Variants in PDE1C observed in about 807,000 individuals in gnomAD.
PDE1C encodes phosphodiesterase 1C, also known as dual specificity calcium/calmodulin-dependent 3',5'-cyclic nucleotide phosphodiesterase 1C.
In PDE1C, 62 loss-of-function variants were observed where a neutral mutation model predicts 93.1. The observed-to-expected ratio is 0.67, with a 90% CI of 0.54 to 0.82. PDE1C has a LOEUF of 0.82. Among genes scored for constraint, PDE1C ranks in the 40% least tolerant of loss-of-function variants. The pLI is 0.00. For missense variants in PDE1C, 742 were observed against 884.6 expected (o/e 0.84, Z 2.04); for synonymous variants, 325 against 310.1 (o/e 1.05, Z -0.50).
chr7:31,693,193 C>A, the PDE1C span, among the ~76,000 whole-genome samples: 1 of 152,082 alleles, frequency 6.6e-6, no homozygotes, highest in Admixed American at 6.5e-5. Context: ...AAGATTTCTC[C>A]AAAAATGGGG....
At chr7:32,087,591 G>A (rs527606064) in intron 3 of PDE1C, among the ~76,000 whole-genome samples, 2 of 152,216 alleles carry the variant, frequency 1.3e-5, no homozygotes, top group Admixed American at 1.3e-4. Flanking sequence ...GCAAAGACTT[G>A]GAACCAACCC....
the PDE1C span, among the ~76,000 whole-genome samples, chr7:31,682,830 A>C: frequency 6.6e-6 from 1 of 152,222 alleles, no homozygotes; most frequent in Non-Finnish European, 1.5e-5. Context: ...AAACCACCTG[A>C]ATGAATCTCC....
At chr7:31,992,939 T>G (rs1392777402) in intron 2 of PDE1C, among the ~76,000 whole-genome samples, 1 of 152,218 alleles carries the variant, frequency 6.6e-6, no homozygotes, top group Non-Finnish European at 1.5e-5. Flanking sequence ...ATATGGAACA[T>G]AATGAAGTTT....
intron 1 of PDE1C, among the ~76,000 whole-genome samples, chr7:32,353,890 A>T (rs1277348053): frequency 1.3e-5 from 2 of 152,212 alleles, no homozygotes; most frequent in Non-Finnish European, 2.9e-5. Flanking sequence ...TCATGACATC[A>T]ATACAATCTC....
At chr7:31,839,521 C>T (rs1357538297) in intron 9 of PDE1C, among the ~76,000 whole-genome samples, 2 of 152,006 alleles carry the variant, frequency 1.3e-5, no homozygotes, top group Non-Finnish European at 1.5e-5. Flanking sequence ...TTCATTTTCT[C>T]TTATTGCTGA....
At chr7:31,862,658 G>A (rs1162354866) in intron 7 of PDE1C, among the ~76,000 whole-genome samples, 1 of 152,176 alleles carries the variant, frequency 6.6e-6, no homozygotes, top group Non-Finnish European at 1.5e-5. Flanking sequence ...CCATGCTCAT[G>A]ACCTGGTCAC....
the PDE1C span, among the ~76,000 whole-genome samples, chr7:31,699,957 A>G: frequency 0.063 from 9,613 of 151,994 alleles, 362 homozygotes; most frequent in Non-Finnish European, 0.089. Context: ...CAATTCCCCT[A>G]TCTCTCTCCC....
chr7:31,650,740 G>A, the PDE1C span, among the ~76,000 whole-genome samples: 1 of 152,156 alleles, frequency 6.6e-6, no homozygotes, highest in Non-Finnish European at 1.5e-5. Context: ...CAATGTTATT[G>A]ATACTCAGAG....
At chr7:31,757,897 C>T (rs1794571875) in intron 17 of PDE1C, among the ~76,000 whole-genome samples, 1 of 152,104 alleles carries the variant, frequency 6.6e-6, no homozygotes, top group Non-Finnish European at 1.5e-5. Context: ...GGAACCAACC[C>T]AAATGTCCAT....
At chr7:31,842,512 T>C (rs1480431367) in intron 9 of PDE1C, among the ~76,000 whole-genome samples, 2 of 152,078 alleles carry the variant, frequency 1.3e-5, no homozygotes, top group Non-Finnish European at 2.9e-5. Context: ...TGTGTGAATT[T>C]TGGTAAGTTG....
At chr7:32,358,867 C>T (rs1257782133) in intron 1 of PDE1C, among the ~76,000 whole-genome samples, 1 of 50,494 alleles carries the variant, frequency 2.0e-5, no homozygotes, top group Non-Finnish European at 6.0e-5. Context: ...ACCTCATCAT[C>T]TCATCATCTA....
At chr7:32,135,338 C>T (rs777918123) in intron 3 of PDE1C, among the ~76,000 whole-genome samples, 6 of 152,016 alleles carry the variant, frequency 3.9e-5, no homozygotes. Flanking sequence ...AAGCAACCTA[C>T]AAAATGAGAG....
At chr7:32,376,620 C>T (rs1202841873) in intron 1 of PDE1C, among the ~76,000 whole-genome samples, 2 of 152,184 alleles carry the variant, frequency 1.3e-5, no homozygotes, top group Non-Finnish European at 2.9e-5. Flanking sequence ...GCTAATCTAA[C>T]GGACTAAATC....
the PDE1C span, chr7:31,707,080 G>T: frequency 2.5e-6 from 2 of 793,246 alleles, no homozygotes. Context: ...ACTGTTAGCA[G>T]GTAACCTTGT....
At chr7:31,620,475 C>A in the PDE1C span, among the ~76,000 whole-genome samples, 8 of 151,352 alleles carry the variant, frequency 5.3e-5, no homozygotes, top group Non-Finnish European at 1.0e-4. Flanking sequence ...TCTGCAGACA[C>A]CACTGCTGAT....
At chr7:31,897,646 C>A (rs978969955) in intron 2 of PDE1C, among the ~76,000 whole-genome samples, 4 of 152,138 alleles carry the variant, frequency 2.6e-5, no homozygotes, top group Non-Finnish European at 1.5e-5. Flanking sequence ...TGTTTTCTGT[C>A]TCTCTCTGGA....
At chr7:31,643,464 T>C in the PDE1C span, 1 of 1,613,954 alleles carries the variant, frequency 6.2e-7, no homozygotes, top group Non-Finnish European at 8.5e-7. Context: ...TGGAAAACCT[T>C]CCTCTAAATA....
intron 16 of PDE1C, among the ~76,000 whole-genome samples, chr7:31,807,420 C>A (rs957018226): frequency 2.0e-5 from 3 of 151,678 alleles, no homozygotes; most frequent in Non-Finnish European, 1.5e-5. Context: ...CCCAAAAAAA[C>A]CTGTTTAATT....
intron 3 of PDE1C, among the ~76,000 whole-genome samples, chr7:32,157,383 C>T (rs752534996): frequency 1.5e-4 from 23 of 152,084 alleles, no homozygotes; most frequent in African/African-American, 2.7e-4. Flanking sequence ...TGGACATCCC[C>T]GTTACCCTGA....
Sources: allele counts gnomAD v4.1 joint callset (sites outside exome capture counted in the v4.1 genomes callset), GRCh38; gene constraint gnomAD v4.1.1; transcripts MANE v1.5; gene names NCBI Gene and HGNC (gene_info 2026-07-23, HGNC 2026-07-21).